Variants in SHANK2 observed in about 807,000 individuals in gnomAD.
The protein encoded by SHANK2 is SH3 and multiple ankyrin repeat domains protein 2.
A neutral mutation model predicts 133.7 loss-of-function variants in SHANK2; 43 were observed. The observed-to-expected ratio is 0.32, with a 90% CI of 0.25 to 0.41. SHANK2 has a LOEUF of 0.41. Ranked by LOEUF, SHANK2 falls within the 10% of genes least tolerant of loss-of-function variation. SHANK2 has a pLI of 1.00. For missense variants in SHANK2, 1,994 were observed against 2,235.8 expected, an observed-to-expected ratio of 0.89 and a Z score of 2.18; for synonymous variants, 1,017 against 952.8, an observed-to-expected ratio of 1.07 and a Z score of -1.24.
chr11:71,067,689 C>CCAT (rs1218409161), intron 9 of SHANK2, among the ~76,000 whole-genome samples: 2 of 151,978 alleles, frequency 1.3e-5, no homozygotes, highest in Non-Finnish European at 2.9e-5. Context: ...AGCAGCATCA[C>CCAT]CATCATCATC....
At chr11:71,067,639 G>C (rs1304426050) in intron 9 of SHANK2, among the ~76,000 whole-genome samples, 3 of 152,124 alleles carry the variant, frequency 2.0e-5, no homozygotes, top group Non-Finnish European at 4.4e-5. Flanking sequence ...GGTGCTTTTA[G>C]ATCTAACAAG....
At chr11:71,201,250 A>G (rs1954014210) in intron 2 of SHANK2, among the ~76,000 whole-genome samples, 1 of 152,232 alleles carries the variant, frequency 6.6e-6, no homozygotes, top group Admixed American at 6.5e-5. Flanking sequence ...AAAGCGGTGG[A>G]AATCTGAGGC....
At chr11:71,131,713 C>G (rs1555103742) in intron 3 of SHANK2, among the ~76,000 whole-genome samples, 1 of 152,120 alleles carries the variant, frequency 6.6e-6, no homozygotes, top group Non-Finnish European at 1.5e-5. Flanking sequence ...CCAGAGAAGT[C>G]CCTTTAGAAG....
chr11:70,694,648 G>A (rs972107777), intron 15 of SHANK2, among the ~76,000 whole-genome samples: 11 of 152,192 alleles, frequency 7.2e-5, no homozygotes, highest in Admixed American at 3.9e-4. Flanking sequence ...AAGCTGTTCT[G>A]CACCCATGCC....
At chr11:70,787,229 A>T (rs535077986) in intron 14 of SHANK2, among the ~76,000 whole-genome samples, 2 of 149,186 alleles carry the variant, frequency 1.3e-5, no homozygotes, top group African/African-American at 2.5e-5. Context: ...CACCACTAGG[A>T]TCACCACTAT....
chr11:71,207,920 C>T (rs2135670621), intron 2 of SHANK2, among the ~76,000 whole-genome samples: 1 of 152,130 alleles, frequency 6.6e-6, no homozygotes, highest in Middle Eastern at 3.4e-3. Context: ...GTGTTCCTGC[C>T]TGCTTCCCAG....
chr11:70,711,579 C>T (rs1247583878), intron 14 of SHANK2, among the ~76,000 whole-genome samples: 1 of 152,248 alleles, frequency 6.6e-6, no homozygotes, highest in Non-Finnish European at 1.5e-5. Context: ...GGCTTGGAGC[C>T]AGCACGCCCG....
intron 17 of SHANK2, among the ~76,000 whole-genome samples, chr11:70,609,402 C>T (rs2060624288): frequency 6.6e-6 from 1 of 152,158 alleles, no homozygotes; most frequent in Non-Finnish European, 1.5e-5. Flanking sequence ...CAGCATGGGT[C>T]ACAGGAAGCA....
At chr11:71,089,152 G>T (rs1377843066) in intron 8 of SHANK2, among the ~76,000 whole-genome samples, 1 of 152,210 alleles carries the variant, frequency 6.6e-6, no homozygotes, top group African/African-American at 2.4e-5. Flanking sequence ...GGAAGCTTGG[G>T]ACAGCTCCCA....
intron 14 of SHANK2, 149 bp downstream of exon 14, chr11:70,798,294 C>T (rs1947962797): frequency 1.5e-6 from 1 of 654,934 alleles, no homozygotes; most frequent in East Asian, 2.7e-5. Context: ...AAGCAACCAA[C>T]CTGTTTCCAA....
intron 15 of SHANK2, among the ~76,000 whole-genome samples, chr11:70,679,852 C>CCG (rs1944989105): frequency 6.6e-6 from 1 of 152,228 alleles, no homozygotes; most frequent in Non-Finnish European, 1.5e-5. Flanking sequence ...CCTGGACGTC[C>CCG]ACCTGCCAAC....
chr11:71,221,947 C>T (rs1212552335), intron 2 of SHANK2, among the ~76,000 whole-genome samples: 1 of 152,106 alleles, frequency 6.6e-6, no homozygotes, highest in African/African-American at 2.4e-5. Flanking sequence ...GAGTAGGGTC[C>T]CTTGGTGGCT....
At chr11:70,590,498 G>A (rs1414076292) in intron 17 of SHANK2, among the ~76,000 whole-genome samples, 2 of 152,174 alleles carry the variant, frequency 1.3e-5, no homozygotes, top group Non-Finnish European at 2.9e-5. Context: ...GTCAATTGAT[G>A]TGGTAAACTT....
chr11:70,655,893 C>G (rs2061399850), intron 17 of SHANK2, among the ~76,000 whole-genome samples: 1 of 152,152 alleles, frequency 6.6e-6, no homozygotes, highest in Admixed American at 6.5e-5. Flanking sequence ...CATGGATGCC[C>G]AGCTCTCGCC....
intron 17 of SHANK2, among the ~76,000 whole-genome samples, chr11:70,595,440 G>A (rs895458247): frequency 2.6e-5 from 4 of 152,352 alleles, no homozygotes; most frequent in Middle Eastern, 3.4e-3. Context: ...TTATCCCTGA[G>A]ATGAGGCTCC....
rs782470967 is a variant in SHANK2, at chr11:70,564,261, CTTTTT to C, written c.2062-61335_2062-61331del. ...TCTTCAAATATTTTTCTTTTCTTTT[CTTTTT>C]TTTTTTTTTTGAGATGGAGTCTCAC... On this transcript the variant is annotated intron_variant, in intron 17 of 25. Transcript: ENST00000601538. Among the ~76,000 whole-genome samples, 157 of 151,418 alleles carry C rather than the reference CTTTTT, an allele frequency of 1.0e-3. 2 individuals are homozygous for C. Among genetic ancestry groups the C allele is most frequent in the African/African-American group, 3.4e-3 (140 of 41,162 alleles).
At chr11:71,193,069 C>T (rs781936219) in intron 2 of SHANK2, among the ~76,000 whole-genome samples, 1 of 152,198 alleles carries the variant, frequency 6.6e-6, no homozygotes, top group Non-Finnish European at 1.5e-5. Context: ...AAAATCCTTC[C>T]TCTCTTTATT....
intron 14 of SHANK2, among the ~76,000 whole-genome samples, chr11:70,773,016 T>G (rs1947286433): frequency 6.6e-6 from 1 of 152,238 alleles, no homozygotes; most frequent in Non-Finnish European, 1.5e-5. Context: ...AAATGGCAGT[T>G]GGAGGTGACC....
chr11:71,145,230 G>A (rs1952621588), intron 3 of SHANK2, among the ~76,000 whole-genome samples: 1 of 152,132 alleles, frequency 6.6e-6, no homozygotes, highest in African/African-American at 2.4e-5. Context: ...GCTTCTCTGG[G>A]CCACACTGGA....
Sources: gnomAD v4.1 joint callset for allele counts (sites outside exome capture counted in the v4.1 genomes callset) on GRCh38, gnomAD v4.1.1 for gene constraint, MANE v1.5 for transcripts, NCBI Gene and HGNC (gene_info 2026-07-23, HGNC 2026-07-21) for gene names.